The following ZNF74 variants were observed in gnomAD, a reference collection of about 807,000 sequenced individuals.
The protein encoded by ZNF74 is zinc finger protein 74, also known as zinc finger protein 520.
ZNF74 carries 12 observed loss-of-function variants against 17.7 expected under a neutral mutation model. The ratio of observed to expected loss-of-function variants is 0.68; its 90% CI spans 0.43 to 1.10. ZNF74 has a LOEUF of 1.10. Among genes scored for constraint, ZNF74 ranks in the 50% least tolerant of loss-of-function variants. The probability of loss-of-function intolerance (pLI) is 0.00; values close to 1 mark genes in which losing one functional copy is unlikely to be tolerated. For synonymous variants in ZNF74, 358 were observed against 362.1 expected (o/e 0.99, Z 0.13); for missense variants, 811 against 881.0 (o/e 0.92, Z 1.01).
Position 20,406,897 on chromosome 22 carries a change from G to T in ZNF74, c.1864G>T (p.Ala622Ser), listed in dbSNP as rs1199090360. The T allele has an allele frequency of 1.9e-6, 3 of 1,614,022 alleles. No individual in the cohort carries two copies. Among genetic ancestry groups the T allele is most frequent in the Non-Finnish European group, 2.5e-6 (3 of 1,180,026 alleles). Reference sequence around the variant, plus strand: ...GGATCCCATCGACGCGCTGGATGTGGCAAAGCTCTTGTGCGTGGTTCCCCC... The same window carrying T: ...GGATCCCATCGACGCGCTGGATGTGTCAAAGCTCTTGTGCGTGGTTCCCCC... ...DVDPIDALDV[A>S]KLLCVVPPRA... The change falls in exon 5 of 5, where the codon GCA (alanine) becomes TCA (serine). Residue 622 changes from alanine to serine, a missense_variant. Transcript: ENST00000400451.
At chr22:20,398,787 T>G (rs1363634735) in intron 2 of ZNF74, among the ~76,000 whole-genome samples, 1 of 149,118 alleles carries the variant, frequency 6.7e-6, no homozygotes, top group East Asian at 2.0e-4. Context: ...TTTGATACCT[T>G]TTTTCCTCAT....
intron 4 of ZNF74, among the ~76,000 whole-genome samples, chr22:20,404,940 A>AAAAC (rs757527610): frequency 3.9e-5 from 6 of 152,228 alleles, no homozygotes; most frequent in East Asian, 1.9e-4. Flanking sequence ...ACTCGGTCTC[A>AAAAC]AAACAAACAA....
rs1297572190 is a variant in ZNF74 at position 20,406,297 on chromosome 22, GAGA to G, written c.1267_1269del (p.Lys423del). 5 of 1,611,938 alleles carry G rather than the reference GAGA, an allele frequency of 3.1e-6. No individual in the cohort carries two copies. The highest frequency in any genetic ancestry group is 2.2e-5 in the East Asian group (1 of 44,866). ...CAAGCCGTTCAAGTGCAGCGACTGC[GAGA>G]AGGCCTTCAACAGCCGCTCGCGCCT... On this transcript the variant is annotated inframe_deletion, in exon 5 of 5. Coordinates refer to ENST00000400451, the MANE Select transcript of ZNF74 (RefSeq NM_003426.4).
In ZNF74 at chr22:20,406,281, C is replaced by A. The variant is rs780251944; in HGVS notation, c.1248C>A (p.Phe416Leu). Residue 416 changes from phenylalanine (F) to leucine (L), a missense_variant, in exon 5 of 5, where the codon TTC (phenylalanine) becomes TTA (leucine). Phe to Leu is a conservative substitution (Grantham distance 22). Around this residue, in one of 3 missense-constraint regions of ZNF74, gnomAD observed 666 missense variants for 702.3 expected, o/e 0.95. Transcript: ENST00000400451. Reference sequence around the variant, plus strand: ...AGATCCACAGCGGGGACAAGCCGTTCAAGTGCAGCGACTGCGAGAAGGCCT... The same window carrying A: ...AGATCCACAGCGGGGACAAGCCGTTAAAGTGCAGCGACTGCGAGAAGGCCT... ...HEKIHSGDKP[F>L]KCSDCEKAFN... The A allele has an allele frequency of 3.1e-6, 5 of 1,612,002 alleles. No homozygotes were observed. Among genetic ancestry groups the A allele is most frequent in the Admixed American group, 1.7e-5 (1 of 60,028 alleles).
chr22:20,398,316 C>CA lies in ZNF74; in HGVS notation c.121-2292dup, dbSNP rs362022. Among the ~76,000 whole-genome samples, 717 of 127,284 alleles carry CA rather than the reference C, an allele frequency of 5.6e-3. 3 individuals are homozygous for CA. Among genetic ancestry groups the CA allele is most frequent in the African/African-American group, 0.012 (350 of 29,690 alleles). The allele number at this position is 127,284 out of a possible 152,430, so 83.5% of individuals were successfully genotyped here. A position where few individuals can be genotyped will look rare whatever the true frequency, so the allele number is the denominator to read the frequency against. On this transcript the variant is annotated intron_variant, in intron 2 of 4. Coordinates refer to ENST00000400451, the MANE Select transcript of ZNF74 (RefSeq NM_003426.4). ...TGGGTGACAGAGTGAGACCATGTCT[C>CA]AAAAAAAAAAAAAAAAAAAAAAAAC...
At chr22:20,398,482 A>G (rs958474935) in intron 2 of ZNF74, among the ~76,000 whole-genome samples, 2 of 152,140 alleles carry the variant, frequency 1.3e-5, no homozygotes, top group African/African-American at 4.8e-5. Flanking sequence ...TAGGTTACTC[A>G]TAGGCTTTTG....
At position 20,407,693 on chromosome 22, in the gene ZNF74, T is replaced by G. The variant is rs1313970441; in HGVS notation, c.*725T>G. On this transcript the variant is annotated 3_prime_UTR_variant, in exon 5 of 5. Coordinates refer to ENST00000400451, the MANE Select transcript of ZNF74 (RefSeq NM_003426.4). ...AATTATGACTAGCATCACTTTCCAGTGAACATTATTATATTGCTAGAGAGG... is the reference window on the plus strand; with the variant it reads ...AATTATGACTAGCATCACTTTCCAGGGAACATTATTATATTGCTAGAGAGG... 2 of 152,240 alleles carry G rather than the reference T, an allele frequency of 1.3e-5. No homozygotes were observed. The highest frequency in any genetic ancestry group is 4.8e-5 in the African/African-American group (2 of 41,456). The allele number at this position is 152,240 out of a possible 1,614,324, so 9.4% of individuals were successfully genotyped here.
chr22:20,406,265 GC>G lies in ZNF74; in HGVS notation c.1233del (p.Ser411ArgfsTer200). The G allele has an allele frequency of 6.2e-7, 1 of 1,609,610 alleles. No homozygotes were observed. Among genetic ancestry groups the G allele is most frequent in the South Asian group, 1.1e-5 (1 of 91,006 alleles). On this transcript the variant is annotated frameshift_variant, in exon 5 of 5. Transcript: ENST00000400451. LOFTEE classifies it low-confidence loss of function (END_TRUNC). ...CTCACCGTGCATGAGAAGATCCACA[GC>G]GGGGACAAGCCGTTCAAGTGCAGCG... is the stretch of plus-strand genomic sequence containing the variant. ...SSLTVHEKIH[S>X]GDKPFKCSDC...
chr22:20,405,676 G>A lies in ZNF74; in HGVS notation c.643G>A (p.Ala215Thr), dbSNP rs768316374. ...QATEGRTKAP[A>T]RLCAGENAST... ...CACTGAGGGCAGAACCAAGGCCCCC[G>A]CGAGACTGTGTGCAGGGGAAAACGC... Residue 215 changes from alanine (A) to threonine (T), a missense_variant, in exon 5 of 5, where the codon GCG becomes ACG. By Grantham distance (58) the Ala-to-Thr change is moderately conservative (BLOSUM62 0). Around this residue, in one of 3 missense-constraint regions of ZNF74, gnomAD observed 666 missense variants for 702.3 expected, o/e 0.95. Transcript: ENST00000400451. 5 of 1,609,936 alleles carry A rather than the reference G, an allele frequency of 3.1e-6. No individual in the cohort carries two copies. In the Admixed American group the frequency reaches 6.7e-5, roughly 22 times the overall value.
Position 20,394,333 on chromosome 22 carries a change from G to C in ZNF74, c.-296G>C. On this transcript the variant is annotated 5_prime_UTR_variant, in exon 1 of 5. Transcript: ENST00000400451. The stretch of plus-strand genomic sequence containing the variant: ...AGGCCTGGCCCTGGTCTCCGAGCGC[G>C]GGTTCGCCGGGAGGAGCGTGTGGCG... The C allele has an allele frequency of 2.9e-6, 2 of 695,874 alleles. No homozygotes were observed. The highest frequency in any genetic ancestry group is 5.3e-4 in the Middle Eastern group (2 of 3,802). The allele number at this position is 695,874 out of a possible 1,614,324, so 43.1% of individuals were successfully genotyped here.
intron 2 of ZNF74, among the ~76,000 whole-genome samples, chr22:20,397,540 A>G (rs1405460542): frequency 1.3e-5 from 2 of 152,170 alleles, no homozygotes; most frequent in African/African-American, 4.8e-5. Context: ...CTGTGCATTC[A>G]GTGGTCTCCC....
intron 2 of ZNF74, among the ~76,000 whole-genome samples, chr22:20,398,956 T>C (rs902609303): frequency 3.3e-5 from 5 of 152,232 alleles, no homozygotes; most frequent in Non-Finnish European, 7.3e-5. Flanking sequence ...TTGTTTCATT[T>C]CCTAATATTT....
chr22:20,394,888 G>A, intron 1 of ZNF74: 1 of 553,362 alleles, frequency 1.8e-6, no homozygotes, highest in Non-Finnish European at 3.2e-6. Flanking sequence ...AACCTCCCAA[G>A]TAGTTGGGAT....
At chr22:20,395,305 T>C in intron 1 of ZNF74, 28 bp from the exon 2 acceptor site, 2 of 1,554,352 alleles carry the variant, frequency 1.3e-6, no homozygotes, top group Non-Finnish European at 1.8e-6. Flanking sequence ...CTGGTAGCCG[T>C]GACCTTGACT....
chr22:20,400,493 T>A, intron 2 of ZNF74, 139 bp from the exon 3 acceptor site: 1 of 1,017,002 alleles, frequency 9.8e-7, no homozygotes, highest in Middle Eastern at 3.0e-4. Context: ...ATGGTCAGTG[T>A]CTACAGCACA....
At chr22:20,394,875 C>T in intron 1 of ZNF74, 1 of 560,806 alleles carries the variant, frequency 1.8e-6, no homozygotes, top group Non-Finnish European at 3.1e-6. Context: ...ATTCTCCCGC[C>T]TCAACCTCCC....
Position 20,395,387 on chromosome 22 carries a change from C to G in ZNF74, c.89C>G (p.Ser30Trp), listed in dbSNP as rs1435006666. 6.2e-6 allele frequency: 10 copies of G among 1,606,198 alleles called. No individual in the cohort carries two copies. The South Asian group carries it at 1.1e-4, about 18-fold the overall frequency. The change falls in exon 2 of 5, where the codon TCG (serine) becomes TGG (tryptophan). Residue 30 changes from serine (S) to tryptophan (W), a missense_variant. Physicochemically the swap from Ser to Trp is radical, Grantham distance 177 (BLOSUM62 -3). This residue lies in a region of ZNF74 where 666 missense variants were observed against 702.3 expected (regional missense o/e 0.95). Transcript: ENST00000400451. ...CTGAAAGAGAATCTCGAGGATATAT[C>G]GGGTTGGGGTCTTCCCGAAGCCAGG... ...LSLKENLEDI[S>W]GWGLPEARSK... is the part of the protein sequence containing the mutation.
Position 20,407,083 on chromosome 22 carries a change from C to G in ZNF74, c.*115C>G. ...CTTCCTCCAGGTGTGGGAGCCTTGC[C>G]TTATCACCCCCATCAGGTCTGCATG... On this transcript the variant is annotated 3_prime_UTR_variant, in exon 5 of 5. Coordinates refer to ENST00000400451, the MANE Select transcript of ZNF74 (RefSeq NM_003426.4). 1 of 1,443,604 alleles carries G rather than the reference C, an allele frequency of 6.9e-7. No homozygotes were observed. Among genetic ancestry groups the G allele is most frequent in the Non-Finnish European group, 9.1e-7 (1 of 1,100,224 alleles). The allele number at this position is 1,443,604 out of a possible 1,614,324, so 89.4% of individuals were successfully genotyped here.
At chr22:20,403,256 G>T (rs1569094312) in intron 4 of ZNF74, among the ~76,000 whole-genome samples, 2 of 150,914 alleles carry the variant, frequency 1.3e-5, no homozygotes, top group Non-Finnish European at 2.9e-5. Context: ...CAGCTGAGCT[G>T]CAGCCCTGTG....
Sources: gnomAD v4.1 joint callset for allele counts (sites outside exome capture counted in the v4.1 genomes callset) on GRCh38, gnomAD v4.1.1 for gene constraint, gnomAD v4.1.1 regional missense constraint, MANE v1.5 for transcripts, NCBI Gene and HGNC (gene_info 2026-07-23, HGNC 2026-07-21) for gene names.